Variants in ARGFX observed in about 807,000 individuals in gnomAD.
ARGFX encodes the protein arginine-fifty homeobox.
In ARGFX, 10 loss-of-function variants were observed where a neutral mutation model predicts 8.0. That is an observed-to-expected ratio of 1.25 (90% CI 0.77 to 2.12). The LOEUF (loss-of-function observed/expected upper bound fraction) is 2.12. Ranked by LOEUF, ARGFX falls within the 30% of genes most tolerant of loss-of-function variation. The pLI is 0.00. For missense variants in ARGFX, 282 were observed against 324.3 expected (o/e 0.87, Z 1.00); for synonymous variants, 116 against 117.8 (o/e 0.98, Z 0.10).
rs2048836576 is a variant in ARGFX at position 121,590,232 on chromosome 3, G to A, written c.*3632G>A. Among the ~76,000 whole-genome samples the A allele has an allele frequency of 6.6e-6, 1 of 152,226 alleles. No individual in the cohort carries two copies. On this transcript the variant is annotated 3_prime_UTR_variant, in exon 5 of 5. Transcript: ENST00000334384. ...TGACTCCACAAGAAATAGATGTTGT[G>A]AATAGAGCTTGCTATGGTATGAATG...
At chr3:121,574,708 GCCATGGAC>G (rs1336279866) in intron 2 of ARGFX, among the ~76,000 whole-genome samples, 25 of 152,184 alleles carry the variant, frequency 1.6e-4, no homozygotes, top group Non-Finnish European at 1.5e-4. Flanking sequence ...TTCCTAACAG[GCCATGGAC>G]CCATACCAGT....
At chr3:121,577,607 T>C (rs2048751505) in intron 3 of ARGFX, among the ~76,000 whole-genome samples, 1 of 151,908 alleles carries the variant, frequency 6.6e-6, no homozygotes, top group Non-Finnish European at 1.5e-5. Context: ...AGACTTCATT[T>C]TCAGTGACAT....
chr3:121,575,548 C>A (rs987998230), intron 2 of ARGFX, among the ~76,000 whole-genome samples: 3 of 152,170 alleles, frequency 2.0e-5, no homozygotes, highest in South Asian at 4.2e-4. Context: ...TGAGAGCGAG[C>A]ACAGAAGCAT....
chr3:121,580,424 A>G (rs948264674), intron 3 of ARGFX, among the ~76,000 whole-genome samples: 7 of 151,822 alleles, frequency 4.6e-5, no homozygotes, highest in African/African-American at 1.7e-4. Flanking sequence ...AATTAAGATA[A>G]TGGAGGTAAA....
At chr3:121,585,813 C>T (rs111575453) in intron 4 of ARGFX, among the ~76,000 whole-genome samples, 105 of 152,214 alleles carry the variant, frequency 6.9e-4, no homozygotes, top group Middle Eastern at 3.4e-3. Flanking sequence ...GAAACACACC[C>T]GCTTCCTTCC....
intron 3 of ARGFX, among the ~76,000 whole-genome samples, chr3:121,577,241 ATATATATATATATATATATT>A (rs1218655139): frequency 4.1e-4 from 27 of 65,292 alleles, no homozygotes; most frequent in African/African-American, 1.2e-3. Context: ...ATATATATAT[ATATATATATATATATATATT>A]TTTTTTTTTT....
Position 121,589,944 on chromosome 3 carries a change from G to A in ARGFX, c.*3344G>A, listed in dbSNP as rs1376236373. Among the ~76,000 whole-genome samples the A allele has an allele frequency of 1.3e-5, 2 of 151,972 alleles. No homozygotes were observed. The highest frequency in any genetic ancestry group is 2.9e-5 in the Non-Finnish European group (2 of 67,982). On this transcript the variant is annotated 3_prime_UTR_variant, in exon 5 of 5. Coordinates refer to ENST00000334384, the MANE Select transcript of ARGFX (RefSeq NM_001012659.2). ...GCCTAGAACAGAAATAAATGAAATAGAGAATAGAAAAGCAATACAGAAAAA... is the reference window on the plus strand; with the variant it reads ...GCCTAGAACAGAAATAAATGAAATAAAGAATAGAAAAGCAATACAGAAAAA...
chr3:121,579,281 A>G (rs2048763151), intron 3 of ARGFX, among the ~76,000 whole-genome samples: 1 of 152,224 alleles, frequency 6.6e-6, no homozygotes, highest in Non-Finnish European at 1.5e-5. Context: ...TAATTATTGA[A>G]GTATTTGTAA....
intron 2 of ARGFX, among the ~76,000 whole-genome samples, chr3:121,575,698 G>C (rs781162757): frequency 6.6e-6 from 1 of 152,140 alleles, no homozygotes; most frequent in Non-Finnish European, 1.5e-5. Context: ...TGGATCATTT[G>C]AGGGCAGGAG....
chr3:121,570,265 T>G (rs754083346), intron 1 of ARGFX, among the ~76,000 whole-genome samples: 2 of 152,206 alleles, frequency 1.3e-5, no homozygotes, highest in Non-Finnish European at 2.9e-5. Context: ...TTTCCCTGGA[T>G]ACGGAATCTG....
chr3:121,576,707 T>TTTTCTTTCTTTCTTTCTTTCTTTCTTTC lies in ARGFX; in HGVS notation c.104-65_104-38dup, dbSNP rs200520122. ...TTTTTCTTTCTTTCTCTTTCTTTCT[T>TTTTCTTTCTTTCTTTCTTTCTTTCTTTC]TTTCTTTCTTTCTTTCTTTCTTTCT... On this transcript the variant is annotated intron_variant, in intron 2 of 4. Transcript: ENST00000334384. 462 of 249,124 alleles carry TTTTCTTTCTTTCTTTCTTTCTTTCTTTC rather than the reference T, an allele frequency of 1.9e-3. 2 individuals carry two copies. The highest frequency in any genetic ancestry group is 8.0e-3 in the African/African-American group (300 of 37,708). The allele number at this position is 249,124 out of a possible 1,614,324, so 15.4% of individuals were successfully genotyped here. A position where few individuals can be genotyped will look rare whatever the true frequency, so the allele number is the denominator to read the frequency against.
At chr3:121,581,969 G>A (rs1425719967) in intron 3 of ARGFX, among the ~76,000 whole-genome samples, 1 of 152,146 alleles carries the variant, frequency 6.6e-6, no homozygotes. Flanking sequence ...GTCATTTGAA[G>A]CAGTGGCTAC....
At chr3:121,568,160 A>G (rs981902602) in intron 1 of ARGFX, among the ~76,000 whole-genome samples, 147 bp downstream of exon 1, 15 of 152,198 alleles carry the variant, frequency 9.9e-5, no homozygotes, top group Non-Finnish European at 1.8e-4. Context: ...GGTTGGGGAC[A>G]GAAGGAAGGT....
intron 1 of ARGFX, among the ~76,000 whole-genome samples, chr3:121,569,405 G>A (rs932433319): frequency 2.9e-5 from 4 of 136,064 alleles, no homozygotes; most frequent in African/African-American, 8.4e-5. Context: ...TTGCTCTGTC[G>A]CCCAGGCTGG....
At chr3:121,575,678 C>T (rs1038327791) in intron 2 of ARGFX, among the ~76,000 whole-genome samples, 5 of 151,994 alleles carry the variant, frequency 3.3e-5, no homozygotes, top group African/African-American at 1.2e-4. Flanking sequence ...CTTTGGGAGA[C>T]CGAGGTGGGT....
intron 1 of ARGFX, among the ~76,000 whole-genome samples, chr3:121,568,887 G>A (rs567569263): frequency 6.6e-6 from 1 of 152,258 alleles, no homozygotes; most frequent in Non-Finnish European, 1.5e-5. Flanking sequence ...TAGGCCATCT[G>A]TTGTTATTGC....
intron 3 of ARGFX, among the ~76,000 whole-genome samples, chr3:121,581,735 T>TACAC (rs374020687): frequency 2.0e-5 from 3 of 151,554 alleles, no homozygotes; most frequent in Admixed American, 6.6e-5. Context: ...ACCTCATCTC[T>TACAC]ACACACACAC....
chr3:121,582,602 T>C (rs6769187), intron 3 of ARGFX, among the ~76,000 whole-genome samples: 42,369 of 152,056 alleles, frequency 0.28, 6,329 homozygotes, highest in East Asian at 0.61. Context: ...TTGCCTATAG[T>C]TTTATCTATA....
In ARGFX at chr3:121,588,634, A is replaced by G. The variant is rs1327725576; in HGVS notation, c.*2034A>G. 3.3e-5 allele frequency among the ~76,000 whole-genome samples: 5 copies of G among 151,992 alleles called. No homozygotes were observed. Among genetic ancestry groups the G allele is most frequent in the Non-Finnish European group, 7.4e-5 (5 of 67,994 alleles). ...AAAAAGGACATAGAAAATGTTTTGA[A>G]TAGGCCAGGCGCAGTGGCTCACACC... On this transcript the variant is annotated 3_prime_UTR_variant, in exon 5 of 5. Coordinates refer to ENST00000334384, the MANE Select transcript of ARGFX (RefSeq NM_001012659.2).
Sources: allele counts gnomAD v4.1 joint callset (sites outside exome capture counted in the v4.1 genomes callset), GRCh38; gene constraint gnomAD v4.1.1; transcripts MANE v1.5; gene names NCBI Gene and HGNC (gene_info 2026-07-23, HGNC 2026-07-21).